GRIK1: variants seen among roughly 807,000 people sequenced by gnomAD.
GRIK1 encodes the protein glutamate ionotropic receptor kainate type subunit 1.
A neutral mutation model predicts 105.7 loss-of-function variants in GRIK1; 69 were observed. The observed-to-expected ratio is 0.65, with a 90% CI of 0.54 to 0.80. GRIK1 has a LOEUF of 0.80. GRIK1 is among the 30% of genes least tolerant of loss of function. The pLI is 0.00. For synonymous variants in GRIK1, 438 were observed against 431.3 expected, an observed-to-expected ratio of 1.02 and a Z score of -0.19; for missense variants, 1,109 against 1,167.3, an observed-to-expected ratio of 0.95 and a Z score of 0.73.
At chr21:29,717,447 G>C (rs2064206422) in intron 1 of GRIK1, among the ~76,000 whole-genome samples, 1 of 152,250 alleles carries the variant, frequency 6.6e-6, no homozygotes, top group South Asian at 2.1e-4. Flanking sequence ...AGAGGGGCAA[G>C]TTATCCAAGG....
At position 29,619,989 on chromosome 21, in the gene GRIK1, G is replaced by A. The variant is rs115035814; in HGVS notation, c.1099-21052C>T. ...TCAAAGGATGACCAAAGATAGTCAC[G>A]GTTCTCTTTACTCCTGAGAGATTTC... On this transcript the variant is annotated intron_variant, in intron 7 of 17. Coordinates refer to ENST00000327783, the MANE Select transcript of GRIK1 (RefSeq NM_001330994.2). 8.3e-3 allele frequency among the ~76,000 whole-genome samples: 1,262 copies of A among 152,206 alleles called. 12 individuals carry two copies. Among genetic ancestry groups the A allele is most frequent in the African/African-American group, 0.029 (1,196 of 41,530 alleles).
intron 1 of GRIK1, among the ~76,000 whole-genome samples, chr21:29,734,401 CTTTTCTTTTCTTTTCTTTTCTTTTT>C (rs200717990): frequency 0.24 from 16,439 of 67,948 alleles, 1,951 homozygotes; most frequent in South Asian, 0.31. Context: ...CTTTTCTTTT[CTTTTCTTTTCTTTTCTTTTCTTTTT>C]GAGACAGAGT....
chr21:29,617,303 G>A (rs976356259), intron 7 of GRIK1, among the ~76,000 whole-genome samples: 1 of 152,104 alleles, frequency 6.6e-6, no homozygotes, highest in Non-Finnish European at 1.5e-5. Context: ...CTTCAATAAC[G>A]CTGCTGCAGA....
intron 1 of GRIK1, among the ~76,000 whole-genome samples, chr21:29,792,837 A>C (rs2066458910): frequency 6.6e-6 from 1 of 152,200 alleles, no homozygotes. Flanking sequence ...GCTCTTACCA[A>C]ATGTAAATGT....
At chr21:29,556,539 G>A (rs907757453) in intron 15 of GRIK1, among the ~76,000 whole-genome samples, 1 of 152,054 alleles carries the variant, frequency 6.6e-6, no homozygotes, top group African/African-American at 2.4e-5. Flanking sequence ...ACTGGGCTTG[G>A]CTGGATGACC....
intron 1 of GRIK1, among the ~76,000 whole-genome samples, chr21:29,865,221 A>C (rs1366297972): frequency 2.6e-5 from 4 of 152,218 alleles, no homozygotes; most frequent in Admixed American, 1.3e-4. Flanking sequence ...TGATTCAAAA[A>C]GCATGTTTAT....
chr21:29,701,566 G>A (rs961926963), intron 1 of GRIK1, among the ~76,000 whole-genome samples: 5 of 152,166 alleles, frequency 3.3e-5, no homozygotes, highest in Non-Finnish European at 7.4e-5. Context: ...CTGTGGTTTT[G>A]TTCTGGGTGA....
At chr21:29,811,825 C>T (rs190310790) in intron 1 of GRIK1, among the ~76,000 whole-genome samples, 57 of 152,298 alleles carry the variant, frequency 3.7e-4, no homozygotes, top group Non-Finnish European at 5.0e-4. Context: ...GCCATGCTGG[C>T]CTTCTTGCTT....
chr21:29,695,517 C>T (rs1490690499), intron 1 of GRIK1, among the ~76,000 whole-genome samples: 1 of 151,580 alleles, frequency 6.6e-6, no homozygotes, highest in Admixed American at 6.6e-5. Flanking sequence ...CTCTGTTGCC[C>T]AGGCTGGAGG....
intron 1 of GRIK1, among the ~76,000 whole-genome samples, chr21:29,889,871 A>G (rs2069826410): frequency 6.6e-6 from 1 of 151,902 alleles, no homozygotes; most frequent in Non-Finnish European, 1.5e-5. Context: ...GATAAAGCTA[A>G]GTATAAGTTT....
In GRIK1 at chr21:29,581,496, G is replaced by T. The variant is rs1386660329; in HGVS notation, c.1841C>A (p.Ser614Ter). ...AGTAAAATTGTTTTCCACCACGTCT[G>T]AGTCAGGGTTGCATGGGTGGGGGTT... is the stretch of plus-strand genomic sequence containing the variant. ...WYNPHPCNPD[S>*]DVVENNFTLL... Residue 614 changes from serine to a stop codon, truncating the protein, a stop_gained, in exon 13 of 18, where the codon TCA (serine) becomes TAA (stop). Coordinates refer to ENST00000327783, the MANE Select transcript of GRIK1 (RefSeq NM_001330994.2). LOFTEE classifies it high-confidence loss of function. The T allele has an allele frequency of 8.7e-6, 14 of 1,613,064 alleles. No homozygotes were observed. The highest frequency in any genetic ancestry group is 2.7e-5 in the African/African-American group (2 of 74,898).
chr21:29,637,582 T>A (rs979338571), intron 7 of GRIK1, among the ~76,000 whole-genome samples: 2 of 152,170 alleles, frequency 1.3e-5, no homozygotes, highest in African/African-American at 4.8e-5. Flanking sequence ...AAGAGGCCCT[T>A]GAGAGATTCC....
At chr21:29,572,569 A>C (rs56124989) in intron 14 of GRIK1, among the ~76,000 whole-genome samples, 1 of 151,966 alleles carries the variant, frequency 6.6e-6, no homozygotes, top group African/African-American at 2.4e-5. Flanking sequence ...ACTCTTTTAG[A>C]TTCTGGTGAC....
intron 1 of GRIK1, among the ~76,000 whole-genome samples, chr21:29,787,074 T>C (rs545489083): frequency 1.3e-5 from 2 of 152,366 alleles, no homozygotes; most frequent in East Asian, 3.9e-4. Context: ...TTCAAATACA[T>C]ATTTACGATG....
intron 7 of GRIK1, 106 bp downstream of exon 7, chr21:29,642,720 T>C: frequency 1.0e-6 from 1 of 962,204 alleles, no homozygotes; most frequent in Non-Finnish European, 1.6e-6. Flanking sequence ...GCTTCCTCTC[T>C]CTTAGGGGCA....
chr21:29,723,372 A>G (rs977193070), intron 1 of GRIK1, among the ~76,000 whole-genome samples: 21 of 152,194 alleles, frequency 1.4e-4, no homozygotes, highest in Non-Finnish European at 8.8e-5. Context: ...TTAAAAGCAC[A>G]TTTTTATCAT....
At chr21:29,811,396 T>C (rs1039308216) in intron 1 of GRIK1, among the ~76,000 whole-genome samples, 1 of 152,174 alleles carries the variant, frequency 6.6e-6, no homozygotes, top group African/African-American at 2.4e-5. Context: ...ACATTTTCAT[T>C]ATATTGTGGG....
intron 1 of GRIK1, among the ~76,000 whole-genome samples, chr21:29,799,654 C>T (rs1023726754): frequency 1.3e-5 from 2 of 152,172 alleles, no homozygotes; most frequent in African/African-American, 4.8e-5. Context: ...GTTAACCTCC[C>T]AGGTAGCTGG....
chr21:29,764,350 T>C (rs1260417336), intron 1 of GRIK1, among the ~76,000 whole-genome samples: 1 of 152,220 alleles, frequency 6.6e-6, no homozygotes, highest in African/African-American at 2.4e-5. Flanking sequence ...CCCTTAGCAG[T>C]GTGGATTTTG....
Sources: gnomAD v4.1 joint callset for allele counts (sites outside exome capture counted in the v4.1 genomes callset) on GRCh38, gnomAD v4.1.1 for gene constraint, MANE v1.5 for transcripts, NCBI Gene and HGNC (gene_info 2026-07-23, HGNC 2026-07-21) for gene names.